The following NLRC5 variants were observed in gnomAD, a reference collection of about 807,000 sequenced individuals.
The protein encoded by NLRC5 is protein NLRC5.
Under a neutral mutation model 206.9 loss-of-function variants are expected in NLRC5, and 114 were observed. The ratio of observed to expected loss-of-function variants is 0.55; its 90% CI spans 0.47 to 0.64. The LOEUF is 0.64. Among genes scored for constraint, NLRC5 ranks in the 30% least tolerant of loss-of-function variants. The pLI, the probability that NLRC5 is intolerant of heterozygous loss-of-function variation, is 0.00. For synonymous variants in NLRC5, 952 were observed against 962.8 expected (o/e 0.99, Z 0.21); for missense variants, 2,008 against 2,305.5 (o/e 0.87, Z 2.64).
chr16:57,036,320 G>GGTT (rs1164957142), intron 14 of NLRC5, 137 bp downstream of exon 14: 9 of 774,886 alleles, frequency 1.2e-5, no homozygotes, highest in Non-Finnish European at 1.9e-5. Flanking sequence ...AAGTCAAGAT[G>GGTT]GTTTGACCAT....
At chr16:57,034,677 G>T (rs1403740512) in intron 13 of NLRC5, 1 of 156,148 alleles carries the variant, frequency 6.4e-6, no homozygotes, top group Non-Finnish European at 1.4e-5. Context: ...CCACACCTGG[G>T]TCTGCCTTCC....
At position 57,077,320 on chromosome 16, in the gene NLRC5, C is replaced by T. The variant is rs11864231; in HGVS notation, c.4860C>T (p.Asp1620=). The T allele has an allele frequency of 0.22, 346,911 of 1,613,062 alleles. 38,806 individuals are homozygous for T. The highest frequency in any genetic ancestry group is 0.25 in the Middle Eastern group (1,544 of 6,062). Reference sequence around the variant, plus strand: ...GCTTGAGCCACAACCAGATTGGAGACGCTGGTGTCCAGCACTTAGCTACCA... The same window carrying T: ...GCTTGAGCCACAACCAGATTGGAGATGCTGGTGTCCAGCACTTAGCTACCA... ...ELDLSHNQIG[D]AGVQHLATIL... The change falls in exon 41 of 49, where the codon GAC becomes GAT. Residue 1620 remains aspartate, a synonymous_variant. Transcript: ENST00000688547.
chr16:57,074,689 T>C lies in NLRC5; in HGVS notation c.4751+6T>C, dbSNP rs1156617175. On this transcript the variant is annotated splice_donor_region_variant and intron_variant, in intron 39 of 48. Coordinates refer to ENST00000688547, the MANE Select transcript of NLRC5 (RefSeq NM_001384950.1). ...ACCTGCCTGCAGAGCCTCAGGTGAG[T>C]GACCGAGCGGCCCCATGGGAATGAG... 3 of 1,613,170 alleles carry C rather than the reference T, an allele frequency of 1.9e-6. No individual in the cohort carries two copies. Among genetic ancestry groups the C allele is most frequent in the East Asian group, 2.2e-5 (1 of 44,874 alleles).
At chr16:57,015,943 A>AAAAAAG (rs1567531300) in intron 1 of NLRC5, among the ~76,000 whole-genome samples, 4 of 146,638 alleles carry the variant, frequency 2.7e-5, no homozygotes, top group African/African-American at 7.5e-5. Context: ...AAAAAAAAAA[A>AAAAAAG]AAAAAGAAAG....
chr16:57,019,524 A>T (rs1387364423), intron 2 of NLRC5, among the ~76,000 whole-genome samples: 1 of 152,204 alleles, frequency 6.6e-6, no homozygotes, highest in Non-Finnish European at 1.5e-5. Flanking sequence ...CTTAACCAGA[A>T]TGGAAGTGTA....
At chr16:57,025,025 AAG>A (rs1297803243) in intron 5 of NLRC5, among the ~76,000 whole-genome samples, 1 of 152,200 alleles carries the variant, frequency 6.6e-6, no homozygotes, top group African/African-American at 2.4e-5. Context: ...AAAGAAAAAA[AAG>A]AGATGTTGCA....
In NLRC5 at chr16:57,045,487, A is replaced by G; in HGVS notation, c.3243A>G (p.Thr1081=). 2 of 1,614,012 alleles carry G rather than the reference A, an allele frequency of 1.2e-6. No individual in the cohort carries two copies. Among genetic ancestry groups the G allele is most frequent in the Non-Finnish European group, 1.7e-6 (2 of 1,179,976 alleles). ...SQHILLRGDK[T]SRDMWATGSL... ...ACATCCTCCTGAGAGGGGACAAGAC[A>G]AGCAGGTGAGGAGGGAACGCTCGGG... The change falls in exon 21 of 49, where the codon ACA becomes ACG. Residue 1081 remains threonine, a synonymous_variant. Transcript: ENST00000688547.
chr16:57,041,916 G>T, intron 18 of NLRC5, 66 bp from the exon 19 acceptor site: 1 of 1,069,996 alleles, frequency 9.3e-7, no homozygotes, highest in South Asian at 1.6e-5. Flanking sequence ...GGAATGCAGG[G>T]ACCATGCTGC....
At chr16:56,989,823 G>A (rs1367420667) in intron 1 of NLRC5, among the ~76,000 whole-genome samples, 1 of 152,192 alleles carries the variant, frequency 6.6e-6, no homozygotes, top group African/African-American at 2.4e-5. Flanking sequence ...CACAGCATGC[G>A]CCCCGGCAGT....
At chr16:57,045,546 T>C in intron 21 of NLRC5, 54 bp downstream of exon 21, 1 of 1,568,422 alleles carries the variant, frequency 6.4e-7, no homozygotes, top group Non-Finnish European at 8.8e-7. Flanking sequence ...GGTCCCCGTC[T>C]GTTGGAGGTC....
chr16:57,025,538 G>A lies in NLRC5; in HGVS notation c.595G>A (p.Val199Ile), dbSNP rs750157089. The A allele has an allele frequency of 2.7e-5, 44 of 1,613,482 alleles. No homozygotes were observed. The highest frequency in any genetic ancestry group is 2.2e-4 in the Admixed American group (13 of 59,954). The stretch of plus-strand genomic sequence containing the variant: ...TCCGGAGGGGGCCATTATGGGGGAC[G>A]TCAAGGTGGAAGATGGTGCTGACGT... The part of the protein sequence containing the change: ...DTPEGAIMGD[V>I]KVEDGADVSI... Residue 199 changes from valine to isoleucine, a missense_variant, in exon 6 of 49, where the codon GTC becomes ATC. Val to Ile is a conservative substitution (Grantham distance 29, BLOSUM62 3). Transcript: ENST00000688547.
intron 26 of NLRC5, 139 bp downstream of exon 26, chr16:57,055,233 C>CTTCATGCTGGGTGA: frequency 9.9e-7 from 1 of 1,005,960 alleles, no homozygotes; most frequent in Non-Finnish European, 1.5e-6. Flanking sequence ...GGACTTGTTT[C>CTTCATGCTGGGTGA]ACCCAGCATG....
intron 11 of NLRC5, 86 bp from the exon 12 acceptor site, chr16:57,033,518 C>T (rs190758020): frequency 3.1e-5 from 41 of 1,316,920 alleles, no homozygotes; most frequent in Admixed American, 2.7e-4. Context: ...TCAGGGTCTT[C>T]AGCCTCTAGA....
intron 37 of NLRC5, among the ~76,000 whole-genome samples, chr16:57,070,180 G>T (rs12930590): frequency 0.012 from 1,903 of 152,254 alleles, 20 homozygotes; most frequent in Admixed American, 0.018. Context: ...TGAAAATGGG[G>T]CTCATGAGCC....
intron 27 of NLRC5, 112 bp from the exon 28 acceptor site, chr16:57,057,953 C>T: frequency 1.2e-6 from 1 of 834,328 alleles, no homozygotes; most frequent in Non-Finnish European, 2.0e-6. Flanking sequence ...GCTGGTGACC[C>T]TGACATGGGG....
At position 57,081,486 on chromosome 16, in the gene NLRC5, C is replaced by A. The variant is rs562058485; in HGVS notation, c.5406-41C>A. ...GAAACTCTCACACCCATTCTCATGG[C>A]CGTGTTTCTCTTTCCCCTCCCCTCA... On this transcript the variant is annotated intron_variant, in intron 47 of 48. Transcript: ENST00000688547. 25 of 1,579,760 alleles carry A rather than the reference C, an allele frequency of 1.6e-5. No homozygotes were observed. The East Asian group carries it at 5.1e-4, about 32-fold the overall frequency.
At chr16:57,033,856 C>T (rs1342435061) in intron 12 of NLRC5, among the ~76,000 whole-genome samples, 187 bp downstream of exon 12, 1 of 152,206 alleles carries the variant, frequency 6.6e-6, no homozygotes, top group African/African-American at 2.4e-5. Context: ...GTCATAATAA[C>T]AATAGCTGCA....
intron 1 of NLRC5, among the ~76,000 whole-genome samples, chr16:57,007,413 A>T (rs909087176): frequency 2.0e-5 from 3 of 152,216 alleles, no homozygotes; most frequent in African/African-American, 7.2e-5. Flanking sequence ...GAGCTTGAAC[A>T]TCTTTTCATA....
At chr16:57,067,057 T>C (rs78696104) in intron 34 of NLRC5, among the ~76,000 whole-genome samples, 1 of 152,166 alleles carries the variant, frequency 6.6e-6, no homozygotes, top group Non-Finnish European at 1.5e-5. Context: ...TAAATCCATA[T>C]GGCACAGTTT....
Sources: gnomAD v4.1 joint callset for allele counts (sites outside exome capture counted in the v4.1 genomes callset) on GRCh38, gnomAD v4.1.1 for gene constraint, MANE v1.5 for transcripts, NCBI Gene and HGNC (gene_info 2026-07-23, HGNC 2026-07-21) for gene names.